Variants in BRD4 observed in about 807,000 individuals in gnomAD.
The protein encoded by BRD4 is bromodomain containing 4.
A neutral mutation model predicts 142.1 loss-of-function variants in BRD4; 16 were observed. The ratio of observed to expected loss-of-function variants is 0.11; its 90% CI spans 0.08 to 0.17. BRD4 has a LOEUF of 0.17. Ranked by LOEUF, BRD4 falls within the 10% of genes least tolerant of loss-of-function variation. The pLI, the probability that BRD4 is intolerant of heterozygous loss-of-function variation, is 1.00. For synonymous variants in BRD4, 833 were observed against 707.5 expected, an observed-to-expected ratio of 1.18 and a Z score of -2.82; for missense variants, 1,424 against 1,810.9, an observed-to-expected ratio of 0.79 and a Z score of 3.88.
At chr19:15,314,247 T>C (rs1036311365) in intron 1 of BRD4, among the ~76,000 whole-genome samples, 1 of 152,092 alleles carries the variant, frequency 6.6e-6, no homozygotes, top group African/African-American at 2.4e-5. Flanking sequence ...ACGCATAGAA[T>C]GAATGAAATG....
intron 11 of BRD4, chr19:15,247,749 G>C: frequency 4.3e-6 from 1 of 233,088 alleles, no homozygotes; most frequent in East Asian, 6.0e-5. Context: ...ACTGCAACAG[G>C]AACACATCAG....
chr19:15,307,910 T>A (rs1218846324), intron 1 of BRD4, among the ~76,000 whole-genome samples: 1 of 149,782 alleles, frequency 6.7e-6, no homozygotes, highest in East Asian at 2.0e-4. Flanking sequence ...AGGCCGGGAG[T>A]TCGAGACCAG....
chr19:15,294,340 C>A (rs2047806925), intron 1 of BRD4, among the ~76,000 whole-genome samples: 1 of 152,244 alleles, frequency 6.6e-6, no homozygotes, highest in Non-Finnish European at 1.5e-5. Context: ...ACGACAGGCA[C>A]CCAGCCCTCA....
chr19:15,285,207 T>C (rs1269984607), intron 1 of BRD4, among the ~76,000 whole-genome samples: 2 of 152,210 alleles, frequency 1.3e-5, no homozygotes, highest in Non-Finnish European at 2.9e-5. Flanking sequence ...AACAGCCACT[T>C]AACTGGTAAG....
In BRD4 at chr19:15,240,126, T is replaced by C. The variant is rs76231189; in HGVS notation, c.3170-104A>G. 1.1e-3 allele frequency: 1,548 copies of C among 1,454,152 alleles called. 31 individuals carry two copies. The East Asian group carries it at 0.033, about 31-fold the overall frequency. The allele number at this position is 1,454,152 out of a possible 1,614,324, so 90.1% of individuals were successfully genotyped here. A position where few individuals can be genotyped will look rare whatever the true frequency, so the allele number is the denominator to read the frequency against. On this transcript the variant is annotated intron_variant, in intron 14 of 19. Coordinates refer to ENST00000679869, the MANE Select transcript of BRD4 (RefSeq NM_001379291.1). The stretch of plus-strand genomic sequence containing the variant: ...GTGGGCTGTATGGAGAAACTGCATG[T>C]GCCGCCCAGGCCCTGGGACAAGGGT...
At chr19:15,296,418 T>A (rs1453211925) in intron 1 of BRD4, among the ~76,000 whole-genome samples, 1 of 152,186 alleles carries the variant, frequency 6.6e-6, no homozygotes, top group East Asian at 1.9e-4. Flanking sequence ...TTCTTCCAAG[T>A]GCATATTGGC....
At chr19:15,313,661 G>A (rs1021795599) in intron 1 of BRD4, among the ~76,000 whole-genome samples, 1 of 152,142 alleles carries the variant, frequency 6.6e-6, no homozygotes, top group Non-Finnish European at 1.5e-5. Flanking sequence ...GGCAACAAGA[G>A]CAAAACTCCA....
chr19:15,264,057 G>GAGGCTGGCA, intron 6 of BRD4: 1 of 269,306 alleles, frequency 3.7e-6, no homozygotes, highest in Non-Finnish European at 7.0e-6. Context: ...CCACCACAAA[G>GAGGCTGGCA]AGGCTGGCAA....
At chr19:15,325,617 G>C (rs1384436157) in intron 1 of BRD4, among the ~76,000 whole-genome samples, 1 of 152,150 alleles carries the variant, frequency 6.6e-6, no homozygotes, top group Non-Finnish European at 1.5e-5. Context: ...GTCAAGCTCT[G>C]ATTGGAGAAA....
At position 15,263,963 on chromosome 19, in the gene BRD4, A is replaced by C. The variant is rs111771343; in HGVS notation, c.1213-415T>G. On this transcript the variant is annotated intron_variant, in intron 6 of 19. Coordinates refer to ENST00000679869, the MANE Select transcript of BRD4 (RefSeq NM_001379291.1). ...AGAAGAAACACGTAACAAGTCTTAAAACTAAAAAAGCCTCAAAACACTATG... is the reference window on the plus strand; with the variant it reads ...AGAAGAAACACGTAACAAGTCTTAACACTAAAAAAGCCTCAAAACACTATG... Among the ~76,000 whole-genome samples, 87 of 152,342 alleles carry C rather than the reference A, an allele frequency of 5.7e-4. No homozygotes were observed. The Middle Eastern group carries it at 0.024, about 42-fold the overall frequency.
At chr19:15,254,024 G>A (rs1000413966) in intron 11 of BRD4, 128 bp downstream of exon 11, 1 of 802,450 alleles carries the variant, frequency 1.2e-6, no homozygotes, top group Non-Finnish European at 2.0e-6. Context: ...GAGACAGACA[G>A]ACAGAGGAAC....
At chr19:15,242,094 G>C (rs986935624) in intron 14 of BRD4, among the ~76,000 whole-genome samples, 2 of 152,144 alleles carry the variant, frequency 1.3e-5, no homozygotes, top group Non-Finnish European at 2.9e-5. Context: ...GATTACAGGC[G>C]TGAGCCACCG....
At chr19:15,317,097 A>T (rs1440173267) in intron 1 of BRD4, among the ~76,000 whole-genome samples, 1 of 152,182 alleles carries the variant, frequency 6.6e-6, no homozygotes, top group Admixed American at 6.5e-5. Context: ...AGCAGACAAG[A>T]GCTAGTGGGC....
chr19:15,255,990 C>T, intron 9 of BRD4, 74 bp downstream of exon 9: 1 of 1,570,632 alleles, frequency 6.4e-7, no homozygotes, highest in African/African-American at 1.4e-5. Context: ...CAGGGAGGGG[C>T]AGTGGCCCAC....
intron 1 of BRD4, among the ~76,000 whole-genome samples, chr19:15,323,018 C>G (rs181318852): frequency 2.0e-5 from 3 of 151,578 alleles, no homozygotes; most frequent in Admixed American, 6.6e-5. Flanking sequence ...CCACTGCACT[C>G]CAGCCTGGGT....
chr19:15,249,371 A>C, intron 11 of BRD4: 1 of 1,610,150 alleles, frequency 6.2e-7, no homozygotes, highest in Non-Finnish European at 8.5e-7. Context: ...GAAGAACCGC[A>C]GACTGAGCCA....
intron 1 of BRD4, among the ~76,000 whole-genome samples, chr19:15,292,120 T>C (rs769255905): frequency 2.6e-5 from 4 of 152,224 alleles, no homozygotes; most frequent in Non-Finnish European, 5.9e-5. Context: ...TTTACAAATA[T>C]GTTCCACCTT....
chr19:15,306,470 T>C, intron 1 of BRD4, among the ~76,000 whole-genome samples: 1 of 151,942 alleles, frequency 6.6e-6, no homozygotes, highest in East Asian at 1.9e-4. Context: ...GAGGCCTCAC[T>C]ATGTTGCCCA....
intron 1 of BRD4, among the ~76,000 whole-genome samples, chr19:15,329,729 ACT>A (rs1240699953): frequency 2.0e-5 from 3 of 152,084 alleles, no homozygotes; most frequent in South Asian, 2.1e-4. Context: ...CTGACTTCAG[ACT>A]CTCTCAAAAA....
Sources: gnomAD v4.1 joint callset for allele counts (sites outside exome capture counted in the v4.1 genomes callset) on GRCh38, gnomAD v4.1.1 for gene constraint, MANE v1.5 for transcripts, NCBI Gene and HGNC (gene_info 2026-07-23, HGNC 2026-07-21) for gene names.